IPCEF1: variants seen among roughly 807,000 people sequenced by gnomAD.
The protein encoded by IPCEF1 is interaction protein for cytohesin exchange factors 1.
IPCEF1 carries 31 observed loss-of-function variants against 50.9 expected under a neutral mutation model. The observed-to-expected ratio is 0.61, with a 90% CI of 0.46 to 0.82. The LOEUF (loss-of-function observed/expected upper bound fraction) is 0.82. Ranked by LOEUF, IPCEF1 falls within the 40% of genes least tolerant of loss-of-function variation. IPCEF1 has a pLI of 0.00. For synonymous variants in IPCEF1, 181 were observed against 192.0 expected (o/e 0.94, Z 0.47); for missense variants, 458 against 514.0 (o/e 0.89, Z 1.05).
At chr6:154,182,524 C>G (rs1800974429) in intron 10 of IPCEF1, among the ~76,000 whole-genome samples, 1 of 151,800 alleles carries the variant, frequency 6.6e-6, no homozygotes, top group Non-Finnish European at 1.5e-5. Context: ...ATAGGAGCAC[C>G]CAGGATTAGG....
chr6:154,338,057 A>G (rs1783826611), intron 1 of IPCEF1, among the ~76,000 whole-genome samples: 1 of 152,096 alleles, frequency 6.6e-6, no homozygotes, highest in Non-Finnish European at 1.5e-5. Flanking sequence ...AGGTTTCCCC[A>G]CTCTAGAACA....
intron 11 of IPCEF1, among the ~76,000 whole-genome samples, chr6:154,167,466 A>G (rs1295375582): frequency 2.0e-5 from 3 of 152,142 alleles, no homozygotes; most frequent in Admixed American, 6.6e-5. Flanking sequence ...TGAAATCAAG[A>G]CATTTCCTTC....
intron 2 of IPCEF1, among the ~76,000 whole-genome samples, chr6:154,276,307 A>G (rs1406852536): frequency 7.8e-6 from 1 of 127,774 alleles, no homozygotes; most frequent in Admixed American, 8.7e-5. Flanking sequence ...AGAAAAGAGG[A>G]AGGGAAGGAG....
At chr6:154,197,326 C>A (rs1776697943) in intron 10 of IPCEF1, among the ~76,000 whole-genome samples, 2 of 152,116 alleles carry the variant, frequency 1.3e-5, no homozygotes, top group African/African-American at 4.8e-5. Flanking sequence ...CAAGTCATCA[C>A]AAATGCAAGC....
chr6:154,313,620 T>C (rs893340619), intron 1 of IPCEF1, among the ~76,000 whole-genome samples: 1 of 152,214 alleles, frequency 6.6e-6, no homozygotes, highest in Admixed American at 6.5e-5. Context: ...TTATTAAGGC[T>C]TTACTGTACG....
chr6:154,215,016 G>A (rs1227284617), intron 7 of IPCEF1, among the ~76,000 whole-genome samples: 1 of 152,166 alleles, frequency 6.6e-6, no homozygotes, highest in African/African-American at 2.4e-5. Flanking sequence ...GTGTGTCTAT[G>A]ACATATACTC....
chr6:154,212,032 C>A (rs1337918765), intron 9 of IPCEF1, among the ~76,000 whole-genome samples: 1 of 152,178 alleles, frequency 6.6e-6, no homozygotes. Context: ...CATACTACTT[C>A]CAGGGTTGCC....
At chr6:154,224,286 A>T (rs779948332) in intron 5 of IPCEF1, among the ~76,000 whole-genome samples, 3 of 152,228 alleles carry the variant, frequency 2.0e-5, no homozygotes, top group Non-Finnish European at 4.4e-5. Flanking sequence ...TGCCAACTAG[A>T]GTGCAACTTG....
intron 2 of IPCEF1, among the ~76,000 whole-genome samples, chr6:154,277,056 G>A (rs1782081086): frequency 6.6e-6 from 1 of 152,182 alleles, no homozygotes; most frequent in Non-Finnish European, 1.5e-5. Flanking sequence ...AGACACTGAC[G>A]AGCTGCATGC....
rs546759602 is a variant in IPCEF1 at position 154,159,284 on chromosome 6, A to T, written c.*544T>A. On this transcript the variant is annotated 3_prime_UTR_variant, in exon 12 of 12. Coordinates refer to ENST00000367220, the MANE Select transcript of IPCEF1 (RefSeq NM_001130700.2). Reference sequence around the variant, plus strand: ...CACTGTCTATGAAGCATTTCTCATCACATGGAAAAGGCACCACCATTCCAT... The same window carrying T: ...CACTGTCTATGAAGCATTTCTCATCTCATGGAAAAGGCACCACCATTCCAT... 1 of 158,454 alleles carries T rather than the reference A, an allele frequency of 6.3e-6. No homozygotes were observed. The highest frequency in any genetic ancestry group is 2.4e-5 in the African/African-American group (1 of 41,468). The allele number at this position is 158,454 out of a possible 1,614,324, so 9.8% of individuals were successfully genotyped here.
intron 10 of IPCEF1, among the ~76,000 whole-genome samples, chr6:154,183,663 C>T (rs1801089220): frequency 6.6e-6 from 1 of 152,226 alleles, no homozygotes; most frequent in East Asian, 1.9e-4. Context: ...CTTTTTGAGG[C>T]CGAGGCAGGC....
intron 4 of IPCEF1, chr6:154,247,245 A>G (rs1353845097): frequency 3.7e-6 from 2 of 545,654 alleles, no homozygotes; most frequent in Non-Finnish European, 6.6e-6. Flanking sequence ...CTCTTTTGAC[A>G]TACCACGAGG....
At chr6:154,245,421 TTTGGG>T (rs199839476) in intron 5 of IPCEF1, among the ~76,000 whole-genome samples, 381 of 152,234 alleles carry the variant, frequency 2.5e-3, no homozygotes, top group African/African-American at 8.6e-3. Context: ...TGGAATTGGA[TTTGGG>T]TCTGGTTTAA....
At chr6:154,292,519 C>G (rs1782540356) in intron 1 of IPCEF1, among the ~76,000 whole-genome samples, 1 of 152,186 alleles carries the variant, frequency 6.6e-6, no homozygotes. Context: ...ATACAACCAG[C>G]AAGTCTAGCT....
chr6:154,312,777 CA>C (rs1783112116), intron 1 of IPCEF1, among the ~76,000 whole-genome samples: 2 of 151,696 alleles, frequency 1.3e-5, no homozygotes, highest in Admixed American at 1.3e-4. Context: ...TTCTCATGAT[CA>C]AAAAAACTAT....
intron 10 of IPCEF1, among the ~76,000 whole-genome samples, chr6:154,177,240 T>C (rs1800411534): frequency 6.6e-6 from 1 of 152,176 alleles, no homozygotes; most frequent in Non-Finnish European, 1.5e-5. Flanking sequence ...AAAGACTTCA[T>C]GACTAAAACA....
At chr6:154,219,087 GATAA>G (rs1778640310) in intron 7 of IPCEF1, 1 of 152,194 alleles carries the variant, frequency 6.6e-6, no homozygotes, top group Non-Finnish European at 1.5e-5. Flanking sequence ...AAAATTGGAA[GATAA>G]ATAAACTGGA....
At chr6:154,179,247 A>G (rs944741484) in intron 10 of IPCEF1, among the ~76,000 whole-genome samples, 1 of 152,220 alleles carries the variant, frequency 6.6e-6, no homozygotes, top group Non-Finnish European at 1.5e-5. Flanking sequence ...CTCAATTGCT[A>G]TACTAAGACT....
intron 10 of IPCEF1, among the ~76,000 whole-genome samples, chr6:154,172,079 A>G (rs984077947): frequency 3.3e-5 from 5 of 152,256 alleles, no homozygotes; most frequent in Admixed American, 1.3e-4. Context: ...GATAGAAAAC[A>G]ACTTACCAAT....
Sources: allele counts gnomAD v4.1 joint callset (sites outside exome capture counted in the v4.1 genomes callset), GRCh38; gene constraint gnomAD v4.1.1; transcripts MANE v1.5; gene names NCBI Gene and HGNC (gene_info 2026-07-23, HGNC 2026-07-21).